Variants in PCDHGA2 observed in about 807,000 individuals in gnomAD.
PCDHGA2 encodes protocadherin gamma subfamily A, 2, also known as protocadherin gamma-A2.
PCDHGA2 carries 40 observed loss-of-function variants against 59.2 expected under a neutral mutation model. The ratio of observed to expected loss-of-function variants is 0.68; its 90% CI spans 0.52 to 0.88. The LOEUF (loss-of-function observed/expected upper bound fraction) is 0.88, where lower values mean the gene tolerates loss of function less well. PCDHGA2 is among the 40% of genes least tolerant of loss of function. The pLI, the probability that PCDHGA2 is intolerant of heterozygous loss-of-function variation, is 0.00. For synonymous variants in PCDHGA2, 560 were observed against 526.0 expected (o/e 1.06, Z -0.89); for missense variants, 1,226 against 1,204.0 (o/e 1.02, Z -0.27).
Position 141,491,498 on chromosome 5 carries a change from C to G in PCDHGA2, c.2425-3309C>G. Reference sequence around the variant, plus strand: ...TCCAGCCCCAACCTGCAGGTGAGCTCGGACGGCACGCTCAAGTACATGGAG... The same window carrying G: ...TCCAGCCCCAACCTGCAGGTGAGCTGGGACGGCACGCTCAAGTACATGGAG... On this transcript the variant is annotated intron_variant, in intron 1 of 3. Transcript: ENST00000394576. The surrounding 1 kb of genome is among the most constrained non-coding windows in gnomAD (Gnocchi z 6.9). The G allele has an allele frequency of 6.2e-7, 1 of 1,614,102 alleles. No homozygotes were observed. Among genetic ancestry groups the G allele is most frequent in the Non-Finnish European group, 8.5e-7 (1 of 1,180,018 alleles).
chr5:141,425,241 AG>A (rs2096863585), intron 1 of PCDHGA2, among the ~76,000 whole-genome samples: 1 of 152,220 alleles, frequency 6.6e-6, no homozygotes, highest in Admixed American at 6.5e-5. Flanking sequence ...TTAAATAAAA[AG>A]GATATGAGGT....
intron 2 of PCDHGA2, among the ~76,000 whole-genome samples, chr5:141,501,761 G>C (rs906778888): frequency 2.6e-5 from 4 of 152,090 alleles, no homozygotes; most frequent in African/African-American, 4.8e-5. Flanking sequence ...CTCAGTAAAT[G>C]GTTAAAAAAG....
Position 141,485,342 on chromosome 5 carries a change from G to C in PCDHGA2, c.2425-9465G>C. 1.2e-6 allele frequency: 2 copies of C among 1,614,164 alleles called. No individual in the cohort carries two copies. Among genetic ancestry groups the C allele is most frequent in the Non-Finnish European group, 1.7e-6 (2 of 1,180,026 alleles). On this transcript the variant is annotated intron_variant, in intron 1 of 3. Coordinates refer to ENST00000394576, the MANE Select transcript of PCDHGA2 (RefSeq NM_018915.4). The surrounding 1 kb of genome is among the most constrained non-coding windows in gnomAD (Gnocchi z 5.7). The stretch of plus-strand genomic sequence containing the variant: ...CGCTCAAGATTTCCTGCTGGATACG[G>C]ACAGTCTGTCAGCTCGCAGGCTGCA...
intron 1 of PCDHGA2, among the ~76,000 whole-genome samples, chr5:141,469,821 G>A (rs2099212107): frequency 6.6e-6 from 1 of 152,028 alleles, no homozygotes; most frequent in Admixed American, 6.6e-5. Flanking sequence ...TAGAATGGAG[G>A]TCACATAAAA....
chr5:141,427,454 T>C (rs62379160), intron 1 of PCDHGA2: 18,356 of 489,902 alleles, frequency 0.037, 441 homozygotes, highest in Middle Eastern at 0.11. Context: ...GAGTTCCTTT[T>C]AGAATCGAAT....
chr5:141,408,043 A>G, intron 1 of PCDHGA2: 1 of 1,220,238 alleles, frequency 8.2e-7, no homozygotes, highest in Non-Finnish European at 1.1e-6. Context: ...ACCAGCTCCC[A>G]CACAGAGCCT....
intron 1 of PCDHGA2, chr5:141,384,644 C>G (rs757384812): frequency 6.2e-7 from 1 of 1,614,234 alleles, no homozygotes; most frequent in Non-Finnish European, 8.5e-7. Flanking sequence ...CCCCGCTCCG[C>G]AGAGCCCGGC....
intron 1 of PCDHGA2, among the ~76,000 whole-genome samples, chr5:141,459,721 T>C (rs2098973915): frequency 6.6e-6 from 1 of 152,246 alleles, no homozygotes. Context: ...CAATGCTTCC[T>C]ATTGTCAATT....
Position 141,485,096 on chromosome 5 carries a change from CCAG to C in PCDHGA2, c.2425-9709_2425-9707del. The C allele has an allele frequency of 8.9e-7, 1 of 1,125,684 alleles. No homozygotes were observed. The highest frequency in any genetic ancestry group is 1.3e-6 in the Non-Finnish European group (1 of 759,466). 69.7% of individuals were successfully genotyped at this position (1,125,684 alleles called of 1,614,324 possible). A position where few individuals can be genotyped will look rare whatever the true frequency, so the allele number is the denominator to read the frequency against. ...CGCGGGGAAAGGGAGATAGGTGTCTCCAGCTGCTGTGGCTGTTTGGGGCGGGTC... is the reference window on the plus strand; with the variant it reads ...CGCGGGGAAAGGGAGATAGGTGTCTCCTGCTGTGGCTGTTTGGGGCGGGTC... On this transcript the variant is annotated intron_variant, in intron 1 of 3. Transcript: ENST00000394576. The surrounding 1 kb of genome is among the most constrained non-coding windows in gnomAD (Gnocchi z 5.7).
At chr5:141,510,056 G>C (rs1450505898) in intron 3 of PCDHGA2, among the ~76,000 whole-genome samples, 2 of 152,174 alleles carry the variant, frequency 1.3e-5, no homozygotes. Flanking sequence ...AAGTGATTGT[G>C]CATGTGAAGC....
intron 1 of PCDHGA2, among the ~76,000 whole-genome samples, chr5:141,460,120 A>C (rs1404213559): frequency 1.3e-5 from 2 of 151,956 alleles, no homozygotes; most frequent in Non-Finnish European, 2.9e-5. Flanking sequence ...ATTTTTATAT[A>C]TGTAATATAT....
At chr5:141,392,668 C>T in intron 1 of PCDHGA2, 2 of 849,812 alleles carry the variant, frequency 2.4e-6, no homozygotes, top group Admixed American at 3.2e-5. Flanking sequence ...CACAAACTAA[C>T]TGCTGGACTG....
chr5:141,385,672 C>A, intron 1 of PCDHGA2: 2 of 389,948 alleles, frequency 5.1e-6, no homozygotes, highest in Non-Finnish European at 7.4e-6. Flanking sequence ...ATAAAACACA[C>A]CTCAGCTGTC....
intron 1 of PCDHGA2, chr5:141,375,994 G>T (rs553803944): frequency 1.2e-6 from 2 of 1,613,410 alleles, no homozygotes; most frequent in East Asian, 2.2e-5. Context: ...ACAGAGACGC[G>T]CTCAAGCAGA....
chr5:141,412,415 T>C (rs897201034), intron 1 of PCDHGA2: 5 of 152,248 alleles, frequency 3.3e-5, no homozygotes, highest in Non-Finnish European at 4.4e-5. Context: ...AGATAAAGTA[T>C]GTTTTACACA....
At position 141,340,283 on chromosome 5, in the gene PCDHGA2, A is replaced by C; in HGVS notation, c.1312A>C (p.Ile438Leu). 6.2e-7 allele frequency: 1 copy of C among 1,614,112 alleles called. No homozygotes were observed. Among genetic ancestry groups the C allele is most frequent in the Non-Finnish European group, 8.5e-7 (1 of 1,180,014 alleles). The part of the protein sequence containing the change: ...GNPSLSTDAH[I>L]LLQVADINDN... ...CCCCTCCCTGTCCACGGATGCTCACATTTTGCTCCAGGTGGCAGACATCAA... is the reference window on the plus strand; with the variant it reads ...CCCCTCCCTGTCCACGGATGCTCACCTTTTGCTCCAGGTGGCAGACATCAA... The change falls in exon 1 of 4, where the codon ATT becomes CTT. Residue 438 changes from isoleucine (I) to leucine (L), a missense_variant. Physicochemically the swap from Ile to Leu is conservative, Grantham distance 5 (BLOSUM62 2). Transcript: ENST00000394576.
At chr5:141,375,695 G>C (rs540188136) in intron 1 of PCDHGA2, 1 of 1,614,250 alleles carries the variant, frequency 6.2e-7, no homozygotes, top group South Asian at 1.1e-5. Context: ...CAGCGACAGC[G>C]GGGACCCGCC....
At chr5:141,450,147 C>T (rs1322871298) in intron 1 of PCDHGA2, among the ~76,000 whole-genome samples, 2 of 151,774 alleles carry the variant, frequency 1.3e-5, no homozygotes, top group African/African-American at 4.8e-5. Context: ...GCTGGGACTA[C>T]AGGCATGTGC....
intron 1 of PCDHGA2, chr5:141,355,799 TA>T (rs1759984627): frequency 6.2e-7 from 1 of 1,613,448 alleles, no homozygotes; most frequent in African/African-American, 1.3e-5. Context: ...GAACGCGCTC[TA>T]GATCGCGAGG....
Sources: allele counts gnomAD v4.1 joint callset (sites outside exome capture counted in the v4.1 genomes callset), GRCh38; gene constraint gnomAD v4.1.1; non-coding constraint Gnocchi (gnomAD v3.1); transcripts MANE v1.5; gene names NCBI Gene and HGNC (gene_info 2026-07-23, HGNC 2026-07-21).